GRIN2B: variants seen among roughly 807,000 people sequenced by gnomAD.
GRIN2B encodes glutamate ionotropic receptor NMDA type subunit 2B, also known as glutamate receptor ionotropic, NMDA 2B.
A neutral mutation model predicts 114.5 loss-of-function variants in GRIN2B; 5 were observed. The ratio of observed to expected loss-of-function variants is 0.04; its 90% CI spans 0.02 to 0.09. GRIN2B has a LOEUF of 0.09. GRIN2B is among the 10% of genes least tolerant of loss of function. GRIN2B has a pLI of 1.00. For synonymous variants in GRIN2B, 787 were observed against 745.1 expected (o/e 1.06, Z -0.92); for missense variants, 1,108 against 1,943.5 (o/e 0.57, Z 8.08).
At position 13,580,070 on chromosome 12, in the gene GRIN2B, A is replaced by C. The variant is rs3026167; in HGVS notation, c.2011-8106T>G. On this transcript the variant is annotated intron_variant, in intron 10 of 13. Transcript: ENST00000609686. ...GGTCCTGGCACCAGGAGAGGAGCAGATTCTGAAAACAAAACCAAGAATGTC... is the reference window on the plus strand; with the variant it reads ...GGTCCTGGCACCAGGAGAGGAGCAGCTTCTGAAAACAAAACCAAGAATGTC... Among the ~76,000 whole-genome samples, 3 of 152,044 alleles carry C rather than the reference A, an allele frequency of 2.0e-5. No individual in the cohort carries two copies. The East Asian group carries it at 5.8e-4, about 29-fold the overall frequency.
At chr12:13,782,624 T>C (rs569617668) in intron 3 of GRIN2B, among the ~76,000 whole-genome samples, 6 of 152,350 alleles carry the variant, frequency 3.9e-5, no homozygotes, top group African/African-American at 1.4e-4. Context: ...GACAGTAATG[T>C]AATGAGACAT....
At chr12:13,946,971 A>T (rs1438215279) in intron 2 of GRIN2B, among the ~76,000 whole-genome samples, 1 of 152,182 alleles carries the variant, frequency 6.6e-6, no homozygotes. Flanking sequence ...AATTTGGGTA[A>T]GTGAGAGGTG....
intron 2 of GRIN2B, among the ~76,000 whole-genome samples, chr12:13,934,611 C>G (rs891913341): frequency 1.3e-5 from 2 of 152,206 alleles, no homozygotes; most frequent in African/African-American, 4.8e-5. Context: ...CCTCTTTCCT[C>G]CACAGGCTAC....
At chr12:13,597,742 A>G (rs1207491553) in intron 10 of GRIN2B, among the ~76,000 whole-genome samples, 1 of 152,162 alleles carries the variant, frequency 6.6e-6, no homozygotes, top group Non-Finnish European at 1.5e-5. Flanking sequence ...TTACTCGGTT[A>G]CTTTGTGTGC....
At chr12:13,881,253 C>T (rs1253159044) in intron 2 of GRIN2B, among the ~76,000 whole-genome samples, 1 of 152,046 alleles carries the variant, frequency 6.6e-6, no homozygotes, top group East Asian at 1.9e-4. Context: ...CAAGATTTGT[C>T]ACCTGTTTCT....
At chr12:13,952,186 G>A (rs1867495886) in intron 2 of GRIN2B, among the ~76,000 whole-genome samples, 1 of 152,124 alleles carries the variant, frequency 6.6e-6, no homozygotes, top group Non-Finnish European at 1.5e-5. Context: ...CACACGGAAT[G>A]TGTTAGAGCT....
At chr12:13,960,737 A>C (rs1031892408) in intron 2 of GRIN2B, among the ~76,000 whole-genome samples, 6 of 152,224 alleles carry the variant, frequency 3.9e-5, no homozygotes, top group Non-Finnish European at 7.3e-5. Flanking sequence ...ATGTCAGGGA[A>C]GACAGGAAGT....
chr12:13,616,167 C>G (rs1274300928), intron 6 of GRIN2B, among the ~76,000 whole-genome samples: 1 of 152,146 alleles, frequency 6.6e-6, no homozygotes, highest in Non-Finnish European at 1.5e-5. Flanking sequence ...TATTTGAACA[C>G]CAGAAGTAAA....
chr12:13,953,291 T>TAGTCAATGCAATTATGA (rs1591638760), intron 2 of GRIN2B, among the ~76,000 whole-genome samples: 1 of 152,082 alleles, frequency 6.6e-6, no homozygotes, highest in East Asian at 1.9e-4. Flanking sequence ...CATACTCAAT[T>TAGTCAATGCAATTATGA]AGTCAATGCA....
intron 3 of GRIN2B, among the ~76,000 whole-genome samples, chr12:13,835,912 A>T (rs1300656171): frequency 6.6e-6 from 1 of 152,156 alleles, no homozygotes; most frequent in East Asian, 1.9e-4. Flanking sequence ...TAGTTCAACT[A>T]TGAAGAAGAA....
At chr12:13,940,467 C>T (rs995634482) in intron 2 of GRIN2B, among the ~76,000 whole-genome samples, 6 of 151,928 alleles carry the variant, frequency 3.9e-5, no homozygotes, top group Non-Finnish European at 5.9e-5. Flanking sequence ...CACACACGTA[C>T]ACATGCAAAC....
intron 3 of GRIN2B, among the ~76,000 whole-genome samples, chr12:13,837,963 T>C (rs1264202043): frequency 6.6e-6 from 1 of 152,190 alleles, no homozygotes; most frequent in African/African-American, 2.4e-5. Context: ...AAATATTAAA[T>C]ATTTGTTTAA....
intron 5 of GRIN2B, among the ~76,000 whole-genome samples, chr12:13,618,449 C>T (rs1028673377): frequency 2.0e-5 from 3 of 151,930 alleles, no homozygotes; most frequent in Non-Finnish European, 2.9e-5. Context: ...CTCTTAAATC[C>T]AAATTTATTC....
chr12:13,975,011 G>C (rs1862995114), intron 2 of GRIN2B, among the ~76,000 whole-genome samples: 1 of 152,154 alleles, frequency 6.6e-6, no homozygotes, highest in South Asian at 2.1e-4. Flanking sequence ...AAAGAGAGCA[G>C]GCAAAAGATG....
At chr12:13,741,108 G>A (rs1455922243) in intron 4 of GRIN2B, among the ~76,000 whole-genome samples, 1 of 152,172 alleles carries the variant, frequency 6.6e-6, no homozygotes, top group Non-Finnish European at 1.5e-5. Flanking sequence ...TCAGCTCACT[G>A]CAACCTCCAC....
chr12:13,596,373 T>C (rs1260134267), intron 10 of GRIN2B, among the ~76,000 whole-genome samples: 1 of 152,206 alleles, frequency 6.6e-6, no homozygotes, highest in Non-Finnish European at 1.5e-5. Flanking sequence ...ATTAAGCATT[T>C]AGGAAATTAA....
At chr12:13,815,383 A>T (rs1447981830) in intron 3 of GRIN2B, among the ~76,000 whole-genome samples, 2 of 152,194 alleles carry the variant, frequency 1.3e-5, no homozygotes, top group Non-Finnish European at 2.9e-5. Context: ...AAGAAAAAAA[A>T]AAAAGACATA....
intron 4 of GRIN2B, among the ~76,000 whole-genome samples, chr12:13,738,421 A>G (rs1863221783): frequency 6.6e-6 from 1 of 152,170 alleles, no homozygotes; most frequent in Non-Finnish European, 1.5e-5. Context: ...TTTAAAGTCA[A>G]ATTTGTTTTG....
At chr12:13,967,091 A>G (rs1301999806) in intron 2 of GRIN2B, among the ~76,000 whole-genome samples, 1 of 152,086 alleles carries the variant, frequency 6.6e-6, no homozygotes, top group Non-Finnish European at 1.5e-5. Flanking sequence ...AATACAACTC[A>G]TTTCACCTTC....
Sources: allele counts gnomAD v4.1 joint callset (sites outside exome capture counted in the v4.1 genomes callset), GRCh38; gene constraint gnomAD v4.1.1; transcripts MANE v1.5; gene names NCBI Gene and HGNC (gene_info 2026-07-23, HGNC 2026-07-21).